RSPH6A: variants seen among roughly 807,000 people sequenced by gnomAD.
RSPH6A encodes radial spoke head 6 homolog A.
A neutral mutation model predicts 66.1 loss-of-function variants in RSPH6A; 49 were observed. The ratio of observed to expected loss-of-function variants is 0.74; its 90% CI spans 0.59 to 0.94. RSPH6A has a LOEUF of 0.94. Among genes scored for constraint, RSPH6A ranks in the 40% least tolerant of loss-of-function variants. RSPH6A has a pLI of 0.00. For synonymous variants in RSPH6A, 419 were observed against 402.4 expected (o/e 1.04, Z -0.49); for missense variants, 977 against 948.3 (o/e 1.03, Z -0.40).
intron 2 of RSPH6A, among the ~76,000 whole-genome samples, chr19:45,809,640 A>G (rs974389224): frequency 5.9e-5 from 9 of 152,180 alleles, no homozygotes; most frequent in Admixed American, 4.6e-4. Context: ...GATGGGGAGA[A>G]TTATGCTACC....
At chr19:45,803,431 C>T (rs890839905) in intron 3 of RSPH6A, among the ~76,000 whole-genome samples, 1 of 151,772 alleles carries the variant, frequency 6.6e-6, no homozygotes, top group African/African-American at 2.4e-5. Flanking sequence ...AATCCCAGCA[C>T]TTTGAGAGGC....
chr19:45,802,663 G>C (rs1215487801), intron 3 of RSPH6A, among the ~76,000 whole-genome samples: 1 of 151,386 alleles, frequency 6.6e-6, no homozygotes. Flanking sequence ...CTGACACCAC[G>C]CCTGGCTAAT....
At chr19:45,799,699 A>G (rs1490104457) in intron 5 of RSPH6A, among the ~76,000 whole-genome samples, 3 of 151,856 alleles carry the variant, frequency 2.0e-5, no homozygotes, top group Admixed American at 6.6e-5. Context: ...TTCTTTTTGG[A>G]ACAACTGGTG....
At chr19:45,803,158 G>A (rs955567984) in intron 3 of RSPH6A, among the ~76,000 whole-genome samples, 2 of 147,490 alleles carry the variant, frequency 1.4e-5, no homozygotes, top group South Asian at 2.2e-4. Flanking sequence ...GCAGTGAGCC[G>A]AGATCACGCC....
In RSPH6A at chr19:45,814,892, G is replaced by A. The variant is rs1304961423; in HGVS notation, c.285C>T (p.Pro95=). ...AGTAAGGCTGAGGCTGGAACTCTGA[G>A]GGAAAGCCCGTGTTCACAGATGGGT... ...MEYPSVNTGF[P]SEFQPQPYSD... Residue 95 remains proline, a synonymous_variant, in exon 1 of 6, where the codon CCC becomes CCT. Transcript: ENST00000221538. 6.2e-7 allele frequency: 1 copy of A among 1,614,002 alleles called. No homozygotes were observed. The highest frequency in any genetic ancestry group is 1.3e-5 in the African/African-American group (1 of 74,930).
chr19:45,808,687 A>T (rs1286584502), intron 2 of RSPH6A, among the ~76,000 whole-genome samples: 3 of 123,198 alleles, frequency 2.4e-5, no homozygotes, highest in African/African-American at 9.7e-5. Flanking sequence ...TTTTAGACAG[A>T]CTCTCACTAT....
At chr19:45,807,621 C>T (rs1016580431) in intron 2 of RSPH6A, among the ~76,000 whole-genome samples, 4 of 152,216 alleles carry the variant, frequency 2.6e-5, no homozygotes, top group Non-Finnish European at 5.9e-5. Context: ...AGCGATTCTT[C>T]TGCCTCAGCC....
At chr19:45,807,006 G>A (rs1332854641) in intron 2 of RSPH6A, among the ~76,000 whole-genome samples, 1 of 150,704 alleles carries the variant, frequency 6.6e-6, no homozygotes, top group African/African-American at 2.4e-5. Flanking sequence ...CCATTCTCCT[G>A]CCTCAGCCTC....
intron 1 of RSPH6A, among the ~76,000 whole-genome samples, chr19:45,812,312 C>T (rs1043041918): frequency 2.0e-5 from 3 of 152,030 alleles, no homozygotes; most frequent in East Asian, 1.9e-4. Context: ...TGGTCTCAAA[C>T]TCCTGGACTC....
chr19:45,800,954 C>T lies in RSPH6A; in HGVS notation c.1799-391G>A, dbSNP rs557000091. Reference sequence around the variant, plus strand: ...CTGGGATTACAGGCATGCACCACCACGCCCGGCTAATTTTTGTATTTTTAG... The same window carrying T: ...CTGGGATTACAGGCATGCACCACCATGCCCGGCTAATTTTTGTATTTTTAG... On this transcript the variant is annotated intron_variant, in intron 4 of 5. Transcript: ENST00000221538. Among the ~76,000 whole-genome samples the T allele has an allele frequency of 1.8e-4, 28 of 152,102 alleles. No individual in the cohort carries two copies. In the South Asian group the frequency reaches 1.9e-3, roughly 10 times the overall value.
intron 5 of RSPH6A, among the ~76,000 whole-genome samples, chr19:45,798,555 A>G (rs1970432954): frequency 7.0e-6 from 1 of 143,762 alleles, no homozygotes; most frequent in African/African-American, 2.6e-5. Flanking sequence ...AAAAAAAAAA[A>G]AGGCCAGGCG....
chr19:45,804,169 A>G lies in RSPH6A; in HGVS notation c.1653+83T>C. 1.8e-6 allele frequency: 2 copies of G among 1,084,580 alleles called. No homozygotes were observed. Among genetic ancestry groups the G allele is most frequent in the South Asian group, 3.0e-5 (2 of 66,426 alleles). 67.2% of individuals were successfully genotyped at this position (1,084,580 alleles called of 1,614,324 possible). On this transcript the variant is annotated intron_variant, in intron 3 of 5. Coordinates refer to ENST00000221538, the MANE Select transcript of RSPH6A (RefSeq NM_030785.4). This position sits in a 1 kb window ranked among gnomAD's most constrained non-coding sequence, Gnocchi z 5.8. ...GAATATTAGTTGCCCAGCAGAGAGTAAGAGCTTGATGTCAGTATTGCAGGG... is the reference window on the plus strand; with the variant it reads ...GAATATTAGTTGCCCAGCAGAGAGTGAGAGCTTGATGTCAGTATTGCAGGG...
intron 2 of RSPH6A, among the ~76,000 whole-genome samples, 179 bp downstream of exon 2, chr19:45,810,424 C>T (rs920699290): frequency 2.0e-5 from 3 of 152,170 alleles, no homozygotes; most frequent in Non-Finnish European, 4.4e-5. Flanking sequence ...CCCACCTCGG[C>T]CTCCCAAAGT....
At chr19:45,805,096 A>C (rs929231604) in intron 2 of RSPH6A, 80 bp from the exon 3 acceptor site, 2 of 1,278,972 alleles carry the variant, frequency 1.6e-6, no homozygotes, top group African/African-American at 1.5e-5. Context: ...ACTCTTCTAG[A>C]GTCAAGAGAG....
chr19:45,800,493 A>C lies in RSPH6A; in HGVS notation c.1869T>G (p.Val623=), dbSNP rs1291799862. 6.2e-7 allele frequency: 1 copy of C among 1,613,588 alleles called. No individual in the cohort carries two copies. The highest frequency in any genetic ancestry group is 1.7e-5 in the Admixed American group (1 of 59,952). Residue 623 remains valine (V), a synonymous_variant, in exon 5 of 6, where the codon GTT becomes GTG. Coordinates refer to ENST00000221538, the MANE Select transcript of RSPH6A (RefSeq NM_030785.4). The stretch of plus-strand genomic sequence containing the variant: ...CCCCGGGCCAGAGGTTGGAGCGCAC[A>C]ACGGCCACTGAGTACTGCGGGCAGA... The part of the protein sequence containing the change: ...CSLCPQYSVA[V]VRSNLWPGAY...
intron 3 of RSPH6A, among the ~76,000 whole-genome samples, chr19:45,802,823 T>A (rs1970489911): frequency 6.7e-6 from 1 of 149,530 alleles, no homozygotes; most frequent in Non-Finnish European, 1.5e-5. Context: ...TTGATTCTTT[T>A]CTTTTTTTTT....
rs1970482097 is a variant in RSPH6A, at chr19:45,802,213, G to A, written c.1705C>T (p.Leu569=). The A allele has an allele frequency of 1.3e-6, 2 of 1,548,408 alleles. No individual in the cohort carries two copies. The highest frequency in any genetic ancestry group is 2.8e-5 in the African/African-American group (2 of 72,542). ...PLQKTEEEED[L]GEEEEKADEG... Reference sequence around the variant, plus strand: ...TCTGCCTTCTCTTCCTCCTCCCCCAGGTCCTCCTCCTCCTCTGTCTTCTGC... The same window carrying A: ...TCTGCCTTCTCTTCCTCCTCCCCCAAGTCCTCCTCCTCCTCTGTCTTCTGC... The change falls in exon 4 of 6, where the codon CTG becomes TTG. Residue 569 remains leucine (L), a synonymous_variant. Transcript: ENST00000221538.
At chr19:45,812,997 T>C (rs547958592) in intron 1 of RSPH6A, among the ~76,000 whole-genome samples, 5 of 152,072 alleles carry the variant, frequency 3.3e-5, no homozygotes, top group African/African-American at 1.2e-4. Context: ...CTTATATGTC[T>C]CAGGCCAGGA....
At position 45,795,779 on chromosome 19, in the gene RSPH6A, A is replaced by G. The variant is rs1463318715; in HGVS notation, c.*90T>C. 1.7e-6 allele frequency: 2 copies of G among 1,185,224 alleles called. No individual in the cohort carries two copies. The highest frequency in any genetic ancestry group is 2.4e-6 in the Non-Finnish European group (2 of 841,842). The allele number at this position is 1,185,224 out of a possible 1,614,324, so 73.4% of individuals were successfully genotyped here. The stretch of plus-strand genomic sequence containing the variant: ...CTATCCCTGCCCTCTGGGGACAGGA[A>G]GCACATAGTGAAAATATAATCCATG... On this transcript the variant is annotated 3_prime_UTR_variant, in exon 6 of 6. Coordinates refer to ENST00000221538, the MANE Select transcript of RSPH6A (RefSeq NM_030785.4).
Sources: gnomAD v4.1 joint callset for allele counts (sites outside exome capture counted in the v4.1 genomes callset) on GRCh38, gnomAD v4.1.1 for gene constraint, Gnocchi (gnomAD v3.1) non-coding constraint, MANE v1.5 for transcripts, NCBI Gene and HGNC (gene_info 2026-07-23, HGNC 2026-07-21) for gene names.